Variants in CATSPERG observed in about 807,000 individuals in gnomAD.
CATSPERG encodes the protein cation channel sperm-associated auxiliary subunit gamma.
Under a neutral mutation model 145.0 loss-of-function variants are expected in CATSPERG, and 115 were observed. The observed-to-expected ratio is 0.79, with a 90% confidence interval of 0.68 to 0.93. CATSPERG has a LOEUF of 0.93. CATSPERG is among the 40% of genes least tolerant of loss of function. CATSPERG has a pLI of 0.00. For synonymous variants in CATSPERG, 588 were observed against 589.0 expected, an observed-to-expected ratio of 1.00 and a Z score of 0.02; for missense variants, 1,296 against 1,490.1, an observed-to-expected ratio of 0.87 and a Z score of 2.14.
chr19:38,337,271 T>A lies in CATSPERG; in HGVS notation c.37T>A (p.Trp13Arg). ...GPAMFPAGPP[W>R]PRVRVVQVLW... ...AGCCATGTTCCCTGCCGGTCCTCCG[T>A]GGCCCAGAGTCCGAGTCGTGCAGGT... The change falls in exon 2 of 29, where the codon TGG (tryptophan) becomes AGG (arginine). Residue 13 changes from tryptophan (W) to arginine (R), a missense_variant. Trp to Arg is a moderately radical substitution (Grantham distance 101). Transcript: ENST00000409235. 1 of 1,551,494 alleles carries A rather than the reference T, an allele frequency of 6.4e-7. No homozygotes were observed. The highest frequency in any genetic ancestry group is 8.7e-7 in the Non-Finnish European group (1 of 1,147,010).
In CATSPERG at chr19:38,362,212, G is replaced by A. The variant is rs764752700; in HGVS notation, c.2097G>A (p.Pro699=). 2.5e-6 allele frequency: 4 copies of A among 1,594,782 alleles called. No individual in the cohort carries two copies. The South Asian group carries it at 3.4e-5, about 13-fold the overall frequency. The change falls in exon 18 of 29, where the codon CCG becomes CCA. Residue 699 remains proline, a splice_region_variant and synonymous_variant. Transcript: ENST00000409235. ...LLWLHSVYDK[P]YADPVHDPTW... ...ACGGTGCCGGGCGATCCCTGCAGCC[G>A]TACGCGGACCCGGTGCACGACCCCA...
At chr19:38,359,887 CAG>C in intron 14 of CATSPERG, 1 of 1,121,868 alleles carries the variant, frequency 8.9e-7, no homozygotes, top group Non-Finnish European at 1.1e-6. Flanking sequence ...CTGGAGAACA[CAG>C]AGTGATCAGG....
At chr19:38,367,448 C>A in intron 23 of CATSPERG, 61 bp from the exon 24 acceptor site, 1 of 1,580,864 alleles carries the variant, frequency 6.3e-7, no homozygotes. Flanking sequence ...CCGTCTCGGT[C>A]CTCAGCTTCT....
intron 17 of CATSPERG, 171 bp from the exon 18 acceptor site, chr19:38,362,039 T>C: frequency 3.2e-6 from 3 of 936,276 alleles, no homozygotes; most frequent in South Asian, 1.6e-5. Flanking sequence ...GGGGAAGGCG[T>C]TGGGGGTGTG....
At chr19:38,362,668 G>A (rs1216911526) in intron 19 of CATSPERG, 46 bp from the exon 20 acceptor site, 3 of 1,607,534 alleles carry the variant, frequency 1.9e-6, no homozygotes, top group East Asian at 2.2e-5. Flanking sequence ...GAGGGGCGGG[G>A]CCTGTCTGTG....
At chr19:38,343,107 G>A (rs1489876572) in intron 3 of CATSPERG, among the ~76,000 whole-genome samples, 1 of 152,152 alleles carries the variant, frequency 6.6e-6, no homozygotes, top group Non-Finnish European at 1.5e-5. Flanking sequence ...CACTTTGGGA[G>A]GCCAAGGTGG....
At chr19:38,343,821 G>T (rs1261351167) in intron 4 of CATSPERG, 97 bp downstream of exon 4, 11 of 1,439,470 alleles carry the variant, frequency 7.6e-6, no homozygotes, top group Non-Finnish European at 1.0e-5. Flanking sequence ...GGTATGTGGG[G>T]GGCGGGAGCT....
At position 38,370,727 on chromosome 19, in the gene CATSPERG, A is replaced by G. The variant is rs752263820; in HGVS notation, c.3415A>G (p.Ser1139Gly). The G allele has an allele frequency of 4.5e-5, 72 of 1,613,910 alleles. No individual in the cohort carries two copies. The highest frequency in any genetic ancestry group is 6.0e-5 in the Non-Finnish European group (71 of 1,179,998). The change falls in exon 29 of 29, where the codon AGC becomes GGC. Residue 1139 changes from serine (S) to glycine (G), a missense_variant. Transcript: ENST00000409235. ...ACATTCCAGGATGGGCTCCATGTTC[A>G]GCTCCAGGATGACAGAGGACAGGGC... is the stretch of plus-strand genomic sequence containing the variant. ...LRHSRMGSMF[S>G]SRMTEDRAEP...
Position 38,362,868 on chromosome 19 carries a change from TTTG to T in CATSPERG, c.2475+39_2475+41del, listed in dbSNP as rs371123163. 96 of 1,111,692 alleles carry T rather than the reference TTTG, an allele frequency of 8.6e-5. 1 individual carries two copies. The highest frequency in any genetic ancestry group is 3.6e-4 in the Admixed American group (16 of 44,920). 68.9% of individuals were successfully genotyped at this position (1,111,692 alleles called of 1,614,324 possible). A position where few individuals can be genotyped will look rare whatever the true frequency, so the allele number is the denominator to read the frequency against. ...CCGGGGAGTTGGGATCAAGGGAGGT[TTTG>T]TTTTTTTTTTTTTTTTTTTTTTTTG... On this transcript the variant is annotated intron_variant, in intron 20 of 28. Transcript: ENST00000409235.
At chr19:38,348,599 A>G (rs754297387) in intron 7 of CATSPERG, among the ~76,000 whole-genome samples, 2 of 149,508 alleles carry the variant, frequency 1.3e-5, no homozygotes, top group Non-Finnish European at 3.0e-5. Flanking sequence ...TCAGCCTCCC[A>G]AGTAGCTAGG....
chr19:38,336,141 G>T (rs1188244660), intron 1 of CATSPERG: 3 of 455,312 alleles, frequency 6.6e-6, no homozygotes, highest in Admixed American at 2.4e-5. Flanking sequence ...GGTGTTAATG[G>T]CATGGGAAGG....
chr19:38,361,721 CAG>C lies in CATSPERG; in HGVS notation c.1958_1959del (p.Arg653IlefsTer112), dbSNP rs770064688. On this transcript the variant is annotated frameshift_variant, in exon 17 of 29. Transcript: ENST00000409235. LOFTEE classifies it high-confidence loss of function. ...GCGCCTGCGGAGCCTGCCCAGTCCG[CAG>C]AGATACACGCGCCAGGAGCGCTACC... Reference protein sequence around the residue: ...VMRLRSLPSPQRYTRQERYRA... With the variant: ...VMRLRSLPSPXRYTRQERYRA... The C allele has an allele frequency of 1.9e-6, 3 of 1,613,374 alleles. No homozygotes were observed. In the South Asian group the frequency reaches 3.3e-5, roughly 18 times the overall value.
chr19:38,340,031 T>G (rs1394995606), intron 3 of CATSPERG, among the ~76,000 whole-genome samples: 1 of 152,014 alleles, frequency 6.6e-6, no homozygotes, highest in Admixed American at 6.6e-5. Flanking sequence ...ATTTTTATAT[T>G]TTAGTAGAGA....
rs527542180 is a variant in CATSPERG, at chr19:38,368,047, G to A, written c.2931-1G>A. 1.9e-6 allele frequency: 3 copies of A among 1,614,104 alleles called. No homozygotes were observed. In the South Asian group the frequency reaches 3.3e-5, roughly 18 times the overall value. ...GGCTGAGATGACCTGGGCCTGCACA[G>A]GACCAACAGCCTTATCTGGACCACG... On this transcript the variant is annotated splice_acceptor_variant, in intron 25 of 28. Transcript: ENST00000409235. LOFTEE classifies it high-confidence loss of function.
At chr19:38,348,029 T>TATTC (rs1568374337) in intron 7 of CATSPERG, among the ~76,000 whole-genome samples, 1 of 152,152 alleles carries the variant, frequency 6.6e-6, no homozygotes, top group Admixed American at 6.5e-5. Flanking sequence ...CGTGGATTAG[T>TATTC]ATTCTCCTGA....
intron 10 of CATSPERG, 65 bp downstream of exon 10, chr19:38,356,608 G>T: frequency 6.3e-7 from 1 of 1,597,708 alleles, no homozygotes; most frequent in Non-Finnish European, 8.6e-7. Flanking sequence ...GAAGAGCAGG[G>T]GAGGGTGGCA....
At chr19:38,370,428 T>A (rs1970526401) in intron 28 of CATSPERG, 98 bp from the exon 29 acceptor site, 1 of 1,523,956 alleles carries the variant, frequency 6.6e-7, no homozygotes, top group Admixed American at 1.7e-5. Context: ...CCTGCTGTCA[T>A]GCCTCCATCT....
At chr19:38,353,696 C>CA (rs34301376) in intron 8 of CATSPERG, among the ~76,000 whole-genome samples, 17,344 of 59,990 alleles carry the variant, frequency 0.29, 2,111 homozygotes, top group East Asian at 0.52. Flanking sequence ...GATGCCATCT[C>CA]AAAAAAAAAA....
chr19:38,361,906 G>T (rs1277810284), intron 17 of CATSPERG, 45 bp downstream of exon 17: 2 of 1,521,866 alleles, frequency 1.3e-6, no homozygotes, highest in Non-Finnish European at 1.8e-6. Context: ...CGGGACTGGG[G>T]CAGCCGGGAG....
Sources: gnomAD v4.1 joint callset for allele counts (sites outside exome capture counted in the v4.1 genomes callset) on GRCh38, gnomAD v4.1.1 for gene constraint, MANE v1.5 for transcripts, NCBI Gene and HGNC (gene_info 2026-07-23, HGNC 2026-07-21) for gene names.